Variants in NXPH1 observed in about 807,000 individuals in gnomAD.
NXPH1 encodes the protein neurexophilin-1.
In NXPH1, 5 loss-of-function variants were observed where a neutral mutation model predicts 23.7. That is an observed-to-expected ratio of 0.21 (90% CI 0.11 to 0.44). NXPH1 has a LOEUF of 0.44. Ranked by LOEUF, NXPH1 falls within the 20% of genes least tolerant of loss-of-function variation. The pLI, the probability that NXPH1 is intolerant of heterozygous loss-of-function variation, is 0.99. For missense variants in NXPH1, 324 were observed against 321.6 expected (o/e 1.01, Z -0.06); for synonymous variants, 144 against 122.2 (o/e 1.18, Z -1.18).
At chr7:8,542,231 G>T (rs1213979238) in intron 2 of NXPH1, among the ~76,000 whole-genome samples, 2 of 151,376 alleles carry the variant, frequency 1.3e-5, no homozygotes, top group African/African-American at 4.8e-5. Flanking sequence ...AATAGTACTG[G>T]ATATAAAGAA....
At chr7:8,436,921 G>A (rs1017156930) in intron 2 of NXPH1, among the ~76,000 whole-genome samples, 25 of 152,340 alleles carry the variant, frequency 1.6e-4, no homozygotes, top group African/African-American at 6.0e-4. Flanking sequence ...GGTGCATGTG[G>A]CTGCAAAGCT....
At position 8,506,009 on chromosome 7, in the gene NXPH1, A is replaced by C. The variant is rs554383172; in HGVS notation, c.54+70242A>C. ...GAGGACCATACTTGAAAAAACAATA[A>C]ATTAGTCTTTACCAAAAGCATTCAA... On this transcript the variant is annotated intron_variant, in intron 2 of 2. Transcript: ENST00000405863. Among the ~76,000 whole-genome samples the C allele has an allele frequency of 2.6e-5, 4 of 152,166 alleles. No homozygotes were observed. In the South Asian group the frequency reaches 8.3e-4, roughly 32 times the overall value.
chr7:8,472,716 T>G (rs1398038697), intron 2 of NXPH1, among the ~76,000 whole-genome samples: 3 of 152,088 alleles, frequency 2.0e-5, no homozygotes, highest in Non-Finnish European at 4.4e-5. Context: ...GGTTTCAAAT[T>G]CTCCTTCTCA....
chr7:8,725,707 C>T (rs1780040121), intron 2 of NXPH1, among the ~76,000 whole-genome samples: 1 of 152,058 alleles, frequency 6.6e-6, no homozygotes, highest in African/African-American at 2.4e-5. Context: ...TAGACAATGC[C>T]ACACTAGAAC....
rs1820699314 is a variant in NXPH1, at chr7:8,662,856, C to CATTATTCAATGCTTGG, written c.55-88150_55-88135dup. 2.0e-5 allele frequency among the ~76,000 whole-genome samples: 3 copies of CATTATTCAATGCTTGG among 152,142 alleles called. No individual in the cohort carries two copies. In the Middle Eastern group the frequency reaches 0.01, roughly 517 times the overall value. ...CTTAAATATATTTTAAAATACGTGT[C>CATTATTCAATGCTTGG]ATTATTCAATGCTTGGAAGATGCAA... is the stretch of plus-strand genomic sequence containing the variant. On this transcript the variant is annotated intron_variant, in intron 2 of 2. Coordinates refer to ENST00000405863, the MANE Select transcript of NXPH1 (RefSeq NM_152745.3).
chr7:8,610,993 G>T (rs117817064), intron 2 of NXPH1, among the ~76,000 whole-genome samples: 2 of 152,188 alleles, frequency 1.3e-5, no homozygotes, highest in East Asian at 3.9e-4. Flanking sequence ...ATAGCACTGG[G>T]TCTGGATAAT....
chr7:8,571,771 G>T (rs1257354676), intron 2 of NXPH1, among the ~76,000 whole-genome samples: 1 of 151,678 alleles, frequency 6.6e-6, no homozygotes, highest in Non-Finnish European at 1.5e-5. Context: ...AACAAAGCTT[G>T]GTAATTTGTA....
At chr7:8,456,739 CT>C (rs1187859744) in intron 2 of NXPH1, among the ~76,000 whole-genome samples, 2 of 152,186 alleles carry the variant, frequency 1.3e-5, no homozygotes, top group African/African-American at 4.8e-5. Flanking sequence ...ATTCAAATAA[CT>C]GCAGTAAGAA....
intron 2 of NXPH1, among the ~76,000 whole-genome samples, chr7:8,628,430 A>T (rs1820044545): frequency 6.6e-6 from 1 of 151,904 alleles, no homozygotes; most frequent in African/African-American, 2.4e-5. Flanking sequence ...AAAAAGCAAA[A>T]ACCAAACTAA....
intron 2 of NXPH1, among the ~76,000 whole-genome samples, chr7:8,448,972 T>C (rs1313449087): frequency 1.3e-5 from 2 of 152,240 alleles, no homozygotes; most frequent in Non-Finnish European, 2.9e-5. Context: ...GCAAACACTA[T>C]GGCCATTTAT....
At chr7:8,699,772 C>T (rs1779592637) in intron 2 of NXPH1, among the ~76,000 whole-genome samples, 1 of 152,012 alleles carries the variant, frequency 6.6e-6, no homozygotes, top group Non-Finnish European at 1.5e-5. Flanking sequence ...TGATTTTTAA[C>T]GTTTCCTTTT....
At chr7:8,655,956 T>C (rs1233124034) in intron 2 of NXPH1, among the ~76,000 whole-genome samples, 1 of 152,224 alleles carries the variant, frequency 6.6e-6, no homozygotes, top group Non-Finnish European at 1.5e-5. Context: ...TATTATATTT[T>C]GTTGTGCATG....
chr7:8,597,007 A>C (rs1253167763), intron 2 of NXPH1, among the ~76,000 whole-genome samples: 1 of 152,126 alleles, frequency 6.6e-6, no homozygotes, highest in African/African-American at 2.4e-5. Flanking sequence ...TTACAGAGTC[A>C]GTGACACCTT....
At chr7:8,679,040 C>A (rs77869682) in intron 2 of NXPH1, among the ~76,000 whole-genome samples, 1 of 147,484 alleles carries the variant, frequency 6.8e-6, no homozygotes, top group African/African-American at 2.5e-5. Context: ...CTCCGCCTCC[C>A]GGGTTCACGC....
intron 2 of NXPH1, among the ~76,000 whole-genome samples, chr7:8,654,986 A>G (rs1820550464): frequency 6.6e-6 from 1 of 152,172 alleles, no homozygotes; most frequent in Non-Finnish European, 1.5e-5. Context: ...AAAATTATCC[A>G]GATTGCTTAT....
chr7:8,730,255 C>T (rs1451509244), intron 2 of NXPH1, among the ~76,000 whole-genome samples: 6 of 149,728 alleles, frequency 4.0e-5, no homozygotes, highest in Non-Finnish European at 8.9e-5. Context: ...AGATGGGTTT[C>T]CTGAATACAG....
intron 2 of NXPH1, among the ~76,000 whole-genome samples, chr7:8,599,410 A>G (rs1396808530): frequency 6.6e-6 from 1 of 152,066 alleles, no homozygotes; most frequent in East Asian, 1.9e-4. Flanking sequence ...CTCTGGGCTC[A>G]TCATTTTTGA....
intron 2 of NXPH1, among the ~76,000 whole-genome samples, chr7:8,675,544 C>T (rs1172617429): frequency 6.6e-6 from 1 of 152,074 alleles, no homozygotes; most frequent in African/African-American, 2.4e-5. Context: ...GGAACAGTGT[C>T]AGGTACTGAG....
intron 2 of NXPH1, among the ~76,000 whole-genome samples, chr7:8,568,958 T>C (rs1818598743): frequency 1.3e-5 from 2 of 151,882 alleles, no homozygotes; most frequent in Admixed American, 6.6e-5. Context: ...AAGGGGATTA[T>C]GGAATTAGAA....
Sources: allele counts gnomAD v4.1 joint callset (sites outside exome capture counted in the v4.1 genomes callset), GRCh38; gene constraint gnomAD v4.1.1; transcripts MANE v1.5; gene names NCBI Gene and HGNC (gene_info 2026-07-23, HGNC 2026-07-21).